MNAT1: variants seen among roughly 807,000 people sequenced by gnomAD.
MNAT1 encodes the protein MNAT1 component of CDK activating kinase, also known as CDK-activating kinase assembly factor MAT1.
MNAT1 carries 43 observed loss-of-function variants against 42.0 expected under a neutral mutation model. That is an observed-to-expected ratio of 1.02 (90% CI 0.80 to 1.32). The LOEUF (loss-of-function observed/expected upper bound fraction) is 1.32, where lower values mean the gene tolerates loss of function less well. Among genes scored for constraint, MNAT1 ranks in the 40% most tolerant of loss-of-function variants. The probability of loss-of-function intolerance (pLI) is 0.00; values close to 1 mark genes in which losing one functional copy is unlikely to be tolerated. For synonymous variants in MNAT1, 118 were observed against 120.0 expected (o/e 0.98, Z 0.11); for missense variants, 306 against 350.4 (o/e 0.87, Z 1.01).
chr14:60,968,235 A>G lies in MNAT1; in HGVS notation c.816A>G (p.Leu272=). Residue 272 remains leucine (L), a synonymous_variant, in exon 8 of 8, where the codon TTA becomes TTG. Coordinates refer to ENST00000261245, the MANE Select transcript of MNAT1 (RefSeq NM_002431.4). ...ELEMLGRLGY[L]NHVRAASPQD... ...ACTTCTTGTTTTGTTTTAGGTATTT[A>G]AACCATGTCAGAGCTGCCTCACCAC... 1 of 1,610,216 alleles carries G rather than the reference A, an allele frequency of 6.2e-7. No individual in the cohort carries two copies. The highest frequency in any genetic ancestry group is 8.5e-7 in the Non-Finnish European group (1 of 1,178,652).
intron 1 of MNAT1, among the ~76,000 whole-genome samples, chr14:60,788,959 T>G (rs932416972): frequency 2.6e-5 from 4 of 152,202 alleles, no homozygotes; most frequent in Non-Finnish European, 4.4e-5. Flanking sequence ...TTAATTTCCT[T>G]CGAGGACTTT....
At chr14:60,763,568 A>G (rs932311925) in intron 1 of MNAT1, among the ~76,000 whole-genome samples, 1 of 152,144 alleles carries the variant, frequency 6.6e-6, no homozygotes, top group African/African-American at 2.4e-5. Flanking sequence ...ATGTTCTTTC[A>G]GTTCAATTTT....
intron 1 of MNAT1, among the ~76,000 whole-genome samples, chr14:60,782,591 T>C (rs760536767): frequency 6.6e-6 from 1 of 152,198 alleles, no homozygotes; most frequent in Middle Eastern, 3.2e-3. Flanking sequence ...AAGTAATATT[T>C]CTAATGGCTA....
chr14:60,908,911 A>G (rs995369697), intron 7 of MNAT1, among the ~76,000 whole-genome samples: 1 of 152,220 alleles, frequency 6.6e-6, no homozygotes, highest in African/African-American at 2.4e-5. Flanking sequence ...GACTTCCACA[A>G]TGGTTGAACT....
intron 7 of MNAT1, among the ~76,000 whole-genome samples, chr14:60,883,214 G>T (rs572547543): frequency 1.5e-4 from 23 of 152,188 alleles, no homozygotes; most frequent in African/African-American, 4.8e-4. Flanking sequence ...ATAGTTTGAG[G>T]TCTTAGATTT....
At chr14:60,770,896 A>C (rs932975551) in intron 1 of MNAT1, among the ~76,000 whole-genome samples, 1 of 152,184 alleles carries the variant, frequency 6.6e-6, no homozygotes, top group Non-Finnish European at 1.5e-5. Flanking sequence ...GTTATATAGT[A>C]TTCCATTGTA....
At chr14:60,850,147 T>A (rs963605005) in intron 6 of MNAT1, among the ~76,000 whole-genome samples, 3 of 152,212 alleles carry the variant, frequency 2.0e-5, no homozygotes, top group African/African-American at 7.2e-5. Flanking sequence ...TTATTTAGTT[T>A]CTTTAATGAA....
intron 7 of MNAT1, chr14:60,919,225 A>C (rs1452465648): frequency 6.6e-6 from 1 of 152,312 alleles, no homozygotes; most frequent in Admixed American, 6.5e-5. Context: ...TGGCATCTGC[A>C]GCAGCACCTG....
chr14:60,938,295 G>T (rs2036053298), intron 7 of MNAT1, among the ~76,000 whole-genome samples: 1 of 152,116 alleles, frequency 6.6e-6, no homozygotes, highest in Admixed American at 6.5e-5. Context: ...GGGCATCCCT[G>T]TCTTGTGCCA....
chr14:60,748,861 C>T (rs1381913315), intron 1 of MNAT1, among the ~76,000 whole-genome samples: 1 of 152,088 alleles, frequency 6.6e-6, no homozygotes, highest in Non-Finnish European at 1.5e-5. Context: ...AAACCAGTAT[C>T]GTAGTCATTT....
Position 60,887,736 on chromosome 14 carries a change from A to G in MNAT1, c.809+7901A>G, listed in dbSNP as rs186339788. On this transcript the variant is annotated intron_variant, in intron 7 of 7. Coordinates refer to ENST00000261245, the MANE Select transcript of MNAT1 (RefSeq NM_002431.4). Reference sequence around the variant, plus strand: ...AAAGAACAAAAGAGAGAAGAATCAAATAGATGCAATAAAAAATGATAAAGG... The same window carrying G: ...AAAGAACAAAAGAGAGAAGAATCAAGTAGATGCAATAAAAAATGATAAAGG... Among the ~76,000 whole-genome samples, 801 of 152,264 alleles carry G rather than the reference A, an allele frequency of 5.3e-3. 5 individuals are homozygous for G. Among genetic ancestry groups the G allele is most frequent in the Middle Eastern group, 0.024 (7 of 294 alleles).
intron 1 of MNAT1, among the ~76,000 whole-genome samples, chr14:60,748,521 A>G (rs2029930315): frequency 6.6e-6 from 1 of 152,182 alleles, no homozygotes; most frequent in Admixed American, 6.5e-5. Context: ...GTGAGCCACT[A>G]CACGTGGCCC....
At chr14:60,936,650 A>G (rs2036004132) in intron 7 of MNAT1, among the ~76,000 whole-genome samples, 1 of 151,984 alleles carries the variant, frequency 6.6e-6, no homozygotes, top group African/African-American at 2.4e-5. Flanking sequence ...CTTGGTTCCA[A>G]GTCTTTGCTA....
chr14:60,785,891 C>A (rs189381241), intron 1 of MNAT1, among the ~76,000 whole-genome samples: 1 of 151,936 alleles, frequency 6.6e-6, no homozygotes, highest in Non-Finnish European at 1.5e-5. Context: ...ATATTTTATT[C>A]TATTTAAAAG....
chr14:60,841,952 A>G (rs1007068297), intron 6 of MNAT1, among the ~76,000 whole-genome samples: 1 of 152,176 alleles, frequency 6.6e-6, no homozygotes, highest in Non-Finnish European at 1.5e-5. Context: ...AGAATTGTTT[A>G]ATACGTTGCT....
chr14:60,846,948 CTAT>C (rs758319057), intron 6 of MNAT1, among the ~76,000 whole-genome samples: 10 of 152,126 alleles, frequency 6.6e-5, no homozygotes, highest in Non-Finnish European at 1.5e-4. Flanking sequence ...AAATCTCTGA[CTAT>C]TATTGTTGAA....
At chr14:60,829,431 T>C (rs983646142) in intron 6 of MNAT1, among the ~76,000 whole-genome samples, 2 of 152,188 alleles carry the variant, frequency 1.3e-5, no homozygotes, top group Non-Finnish European at 2.9e-5. Flanking sequence ...GTGTCAATAG[T>C]TGGGAAAATT....
chr14:60,908,784 C>T (rs1045273706), intron 7 of MNAT1, among the ~76,000 whole-genome samples: 2 of 152,210 alleles, frequency 1.3e-5, no homozygotes, highest in Non-Finnish European at 2.9e-5. Flanking sequence ...AGTAAACATA[C>T]ATGAGCATGT....
chr14:60,928,563 C>G (rs148140400), intron 7 of MNAT1, among the ~76,000 whole-genome samples: 1 of 152,130 alleles, frequency 6.6e-6, no homozygotes, highest in Non-Finnish European at 1.5e-5. Context: ...AAATTGGTAT[C>G]TCATTAATTT....
Sources: allele counts gnomAD v4.1 joint callset (sites outside exome capture counted in the v4.1 genomes callset), GRCh38; gene constraint gnomAD v4.1.1; transcripts MANE v1.5; gene names NCBI Gene and HGNC (gene_info 2026-07-23, HGNC 2026-07-21).